AOAH: variants seen among roughly 807,000 people sequenced by gnomAD.
AOAH encodes acyloxyacyl hydrolase.
Under a neutral mutation model 92.2 loss-of-function variants are expected in AOAH, and 64 were observed. That is an observed-to-expected ratio of 0.69 (90% confidence interval 0.57 to 0.86). The LOEUF is 0.86. AOAH is among the 40% of genes least tolerant of loss of function. The probability of loss-of-function intolerance (pLI) is 0.00; values close to 1 mark genes in which losing one functional copy is unlikely to be tolerated. For missense variants in AOAH, 656 were observed against 694.6 expected (o/e 0.94, Z 0.62); for synonymous variants, 263 against 254.5 (o/e 1.03, Z -0.32).
chr7:36,514,851 T>C (rs578135754), intron 20 of AOAH, among the ~76,000 whole-genome samples: 2 of 152,064 alleles, frequency 1.3e-5, no homozygotes, highest in South Asian at 2.1e-4. Context: ...GGACATTGAG[T>C]GGGCGACAGA....
At chr7:36,536,476 C>T (rs982246574) in intron 16 of AOAH, among the ~76,000 whole-genome samples, 5 of 152,108 alleles carry the variant, frequency 3.3e-5, no homozygotes, top group African/African-American at 7.2e-5. Context: ...ATGAGATCTA[C>T]AGTGGCCTGG....
intron 12 of AOAH, among the ~76,000 whole-genome samples, chr7:36,590,192 C>T (rs1789646148): frequency 6.6e-6 from 1 of 152,064 alleles, no homozygotes; most frequent in Non-Finnish European, 1.5e-5. Flanking sequence ...TCCTGGCCTC[C>T]AGTAATCTTT....
At chr7:36,707,016 A>AT (rs145972926) in intron 1 of AOAH, among the ~76,000 whole-genome samples, 5,033 of 144,898 alleles carry the variant, frequency 0.035, 116 homozygotes, top group Non-Finnish European at 0.054. Flanking sequence ...TAGTGCTTTA[A>AT]TTTTTTTTCA....
chr7:36,683,917 A>G (rs1796805287), intron 2 of AOAH, among the ~76,000 whole-genome samples: 2 of 151,920 alleles, frequency 1.3e-5, no homozygotes, highest in African/African-American at 4.8e-5. Context: ...TCACTTGAAC[A>G]AGGGTGGGAG....
intron 13 of AOAH, among the ~76,000 whole-genome samples, chr7:36,570,701 G>C (rs185350956): frequency 6.4e-4 from 98 of 152,296 alleles, no homozygotes; most frequent in African/African-American, 2.4e-3. Flanking sequence ...CTGGTGTGAG[G>C]TGATATCTCG....
Position 36,616,498 on chromosome 7 carries a change from T to G in AOAH, c.752-24A>C, listed in dbSNP as rs750833586. The G allele has an allele frequency of 6.9e-6, 11 of 1,599,444 alleles. No homozygotes were observed. The South Asian group carries it at 1.2e-4, about 18-fold the overall frequency. On this transcript the variant is annotated intron_variant, in intron 10 of 20. Coordinates refer to ENST00000617537, the MANE Select transcript of AOAH (RefSeq NM_001637.4). ...ACCTAGGCAGCACAATTTATTCACA[T>G]TATTTATGCACTCAAGTAGTTTGGA...
chr7:36,540,891 G>A (rs191097999), intron 15 of AOAH, among the ~76,000 whole-genome samples: 8 of 152,312 alleles, frequency 5.3e-5, no homozygotes, highest in African/African-American at 1.9e-4. Context: ...TGAGAGAGAC[G>A]TAAACATTTG....
At chr7:36,678,592 TGTGTGTGTGC>T (rs1180127873) in intron 2 of AOAH, among the ~76,000 whole-genome samples, 54 of 108,314 alleles carry the variant, frequency 5.0e-4, no homozygotes, top group African/African-American at 2.2e-3. Flanking sequence ...TGTGTGTGTG[TGTGTGTGTGC>T]GCGCGCGCGC....
intron 4 of AOAH, among the ~76,000 whole-genome samples, chr7:36,648,874 C>G (rs1794403597): frequency 6.6e-6 from 1 of 152,060 alleles, no homozygotes; most frequent in Non-Finnish European, 1.5e-5. Context: ...AAGGCCTTGT[C>G]ATTTATCTCA....
intron 1 of AOAH, among the ~76,000 whole-genome samples, chr7:36,703,249 T>G (rs557948859): frequency 6.6e-6 from 1 of 152,284 alleles, no homozygotes; most frequent in South Asian, 2.1e-4. Context: ...CTCCTCTTAA[T>G]GCTGATATTT....
intron 13 of AOAH, among the ~76,000 whole-genome samples, chr7:36,553,987 A>G (rs1240413037): frequency 6.6e-6 from 1 of 151,986 alleles, no homozygotes; most frequent in Non-Finnish European, 1.5e-5. Flanking sequence ...CTTTAGTTTA[A>G]TTAGATCCCA....
intron 3 of AOAH, among the ~76,000 whole-genome samples, chr7:36,672,822 A>G (rs911706699): frequency 5.9e-5 from 9 of 152,232 alleles, no homozygotes; most frequent in African/African-American, 2.2e-4. Flanking sequence ...TGTTCACAAG[A>G]GTTAAAACCA....
chr7:36,584,730 T>C (rs1562592985), intron 12 of AOAH, among the ~76,000 whole-genome samples: 3 of 152,230 alleles, frequency 2.0e-5, no homozygotes. Flanking sequence ...TTTTTACATA[T>C]CACATCATGC....
intron 13 of AOAH, among the ~76,000 whole-genome samples, chr7:36,568,975 G>A (rs1365864243): frequency 1.3e-5 from 2 of 152,180 alleles, no homozygotes; most frequent in Admixed American, 6.5e-5. Context: ...TCTGCACAAG[G>A]GGATGGGAGG....
chr7:36,583,637 A>G (rs1235057041), intron 12 of AOAH, among the ~76,000 whole-genome samples: 1 of 152,232 alleles, frequency 6.6e-6, no homozygotes, highest in Non-Finnish European at 1.5e-5. Context: ...CAAAAAGATT[A>G]GCAGGACAGC....
intron 13 of AOAH, among the ~76,000 whole-genome samples, chr7:36,569,622 T>TCTATC (rs1554289054): frequency 6.7e-6 from 1 of 149,116 alleles, no homozygotes. Flanking sequence ...TATCTATCTA[T>TCTATC]TTTTTAGATG....
intron 1 of AOAH, among the ~76,000 whole-genome samples, chr7:36,691,590 G>C (rs1213851763): frequency 6.6e-6 from 1 of 152,144 alleles, no homozygotes; most frequent in African/African-American, 2.4e-5. Context: ...GAATTGGGAG[G>C]TCAGAGAGAC....
At chr7:36,544,434 G>A (rs1031449811) in intron 15 of AOAH, among the ~76,000 whole-genome samples, 5 of 152,086 alleles carry the variant, frequency 3.3e-5, no homozygotes, top group African/African-American at 1.2e-4. Flanking sequence ...TTTCAACCCA[G>A]GTGTCCCAGG....
rs1371815215 is a variant in AOAH at position 36,621,092 on chromosome 7, A to G, written c.654-263T>C. Reference sequence around the variant, plus strand: ...TCCTGTCTTTTTCATCATTGACTATATTCATGGACCGCATTGTTGTGGAAT... The same window carrying G: ...TCCTGTCTTTTTCATCATTGACTATGTTCATGGACCGCATTGTTGTGGAAT... On this transcript the variant is annotated intron_variant, in intron 8 of 20. Coordinates refer to ENST00000617537, the MANE Select transcript of AOAH (RefSeq NM_001637.4). 2.6e-5 allele frequency among the ~76,000 whole-genome samples: 4 copies of G among 152,328 alleles called. No individual in the cohort carries two copies. The South Asian group carries it at 8.3e-4, about 32-fold the overall frequency.
Sources: allele counts gnomAD v4.1 joint callset (sites outside exome capture counted in the v4.1 genomes callset), GRCh38; gene constraint gnomAD v4.1.1; transcripts MANE v1.5; gene names NCBI Gene and HGNC (gene_info 2026-07-23, HGNC 2026-07-21).